The following CPQ variants were observed in gnomAD, a reference collection of about 807,000 sequenced individuals.
The protein encoded by CPQ is Ser-Met dipeptidase.
CPQ carries 37 observed loss-of-function variants against 45.7 expected under a neutral mutation model. That is an observed-to-expected ratio of 0.81 (90% confidence interval 0.62 to 1.07). CPQ has a LOEUF of 1.07. CPQ is among the 50% of genes least tolerant of loss of function. CPQ has a pLI of 0.00. For synonymous variants in CPQ, 186 were observed against 205.8 expected, an observed-to-expected ratio of 0.90 and a Z score of 0.82; for missense variants, 537 against 572.9, an observed-to-expected ratio of 0.94 and a Z score of 0.64.
intron 7 of CPQ, among the ~76,000 whole-genome samples, chr8:97,137,954 A>C (rs1404638071): frequency 2.6e-5 from 4 of 151,986 alleles, no homozygotes; most frequent in Non-Finnish European, 4.4e-5. Context: ...CTGGAGGTCA[A>C]GATGTCATCA....
rs552150228 is a variant in CPQ at position 96,971,313 on chromosome 8, T to C, written c.961+5267T>C. On this transcript the variant is annotated intron_variant, in intron 5 of 7. Transcript: ENST00000220763. The stretch of plus-strand genomic sequence containing the variant: ...TTGTTGTGTCTCTCCCTGAAGAACA[T>C]TTGTATCCACCCAAGTGCAAACTCT... Among the ~76,000 whole-genome samples the C allele has an allele frequency of 5.3e-5, 8 of 152,360 alleles. No individual in the cohort carries two copies. In the South Asian group the frequency reaches 1.2e-3, roughly 24 times the overall value.
At chr8:96,969,551 T>C (rs955587807) in intron 5 of CPQ, among the ~76,000 whole-genome samples, 2 of 151,610 alleles carry the variant, frequency 1.3e-5, no homozygotes, top group Non-Finnish European at 3.0e-5. Flanking sequence ...TTATTTGAAC[T>C]TTCTTTCATA....
At chr8:96,961,321 A>G (rs748316144) in intron 4 of CPQ, among the ~76,000 whole-genome samples, 12 of 152,154 alleles carry the variant, frequency 7.9e-5, no homozygotes, top group Non-Finnish European at 1.8e-4. Context: ...ACCTTTTCAA[A>G]TGCTTGCTGT....
chr8:97,096,054 G>A (rs1811205871), intron 7 of CPQ, among the ~76,000 whole-genome samples: 1 of 151,398 alleles, frequency 6.6e-6, no homozygotes, highest in South Asian at 2.1e-4. Context: ...GTTGTGGTGG[G>A]GATGATGATG....
At chr8:96,846,381 C>T (rs761092212) in intron 3 of CPQ, among the ~76,000 whole-genome samples, 13 of 151,964 alleles carry the variant, frequency 8.6e-5, no homozygotes, top group Non-Finnish European at 1.3e-4. Context: ...GATACAGATC[C>T]GTAGTCAGAT....
chr8:96,721,643 A>G (rs939219984), intron 1 of CPQ, among the ~76,000 whole-genome samples: 3 of 152,036 alleles, frequency 2.0e-5, no homozygotes, highest in Non-Finnish European at 4.4e-5. Flanking sequence ...TTGAAACACA[A>G]AAACACAAAT....
chr8:96,945,931 C>T (rs1448263590), intron 4 of CPQ, among the ~76,000 whole-genome samples: 2 of 152,184 alleles, frequency 1.3e-5, no homozygotes, highest in Non-Finnish European at 2.9e-5. Context: ...GTAGTCAGCT[C>T]AAGTGACTTC....
chr8:96,715,173 G>A (rs1051496255), intron 1 of CPQ, among the ~76,000 whole-genome samples: 2 of 152,174 alleles, frequency 1.3e-5, no homozygotes, highest in African/African-American at 4.8e-5. Flanking sequence ...CAAAGCAGGT[G>A]GGTAAATGCA....
intron 4 of CPQ, among the ~76,000 whole-genome samples, chr8:96,881,506 C>T (rs545279513): frequency 5.9e-5 from 9 of 152,250 alleles, no homozygotes; most frequent in Non-Finnish European, 1.0e-4. Context: ...GCCTCACCTC[C>T]GACATTCGAA....
Position 96,694,969 on chromosome 8 carries a change from C to A in CPQ, c.-35+49567C>A, listed in dbSNP as rs915325652. Reference sequence around the variant, plus strand: ...CAGTGCATATGGAACCAAAAAAGAGCCCGCATTGCCAAGTCAATCCTGAGC... The same window carrying A: ...CAGTGCATATGGAACCAAAAAAGAGACCGCATTGCCAAGTCAATCCTGAGC... On this transcript the variant is annotated intron_variant, in intron 1 of 7. Coordinates refer to ENST00000220763, the MANE Select transcript of CPQ (RefSeq NM_016134.4). Among the ~76,000 whole-genome samples the A allele has an allele frequency of 2.0e-5, 3 of 152,066 alleles. No homozygotes were observed. In the East Asian group the frequency reaches 5.8e-4, roughly 29 times the overall value.
At chr8:96,807,920 T>C (rs1436228509) in intron 2 of CPQ, among the ~76,000 whole-genome samples, 1 of 152,178 alleles carries the variant, frequency 6.6e-6, no homozygotes, top group Non-Finnish European at 1.5e-5. Context: ...CAGTTGAATA[T>C]GTTAAGCTTG....
At chr8:96,823,313 T>G (rs1811334846) in intron 2 of CPQ, among the ~76,000 whole-genome samples, 1 of 152,088 alleles carries the variant, frequency 6.6e-6, no homozygotes, top group Non-Finnish European at 1.5e-5. Flanking sequence ...TTGTACATTA[T>G]TGTATCACAT....
At chr8:96,748,593 GCTCT>G (rs1810220061) in intron 1 of CPQ, among the ~76,000 whole-genome samples, 1 of 151,790 alleles carries the variant, frequency 6.6e-6, no homozygotes, top group Admixed American at 6.6e-5. Context: ...ATTTAGTTTG[GCTCT>G]CTCTGAGTTT....
intron 4 of CPQ, among the ~76,000 whole-genome samples, chr8:96,899,271 C>T (rs1812484042): frequency 1.3e-5 from 2 of 152,130 alleles, no homozygotes; most frequent in Non-Finnish European, 2.9e-5. Context: ...GGTACAGCCA[C>T]ATACATTGTT....
chr8:97,045,196 C>T (rs1178399394), intron 6 of CPQ, among the ~76,000 whole-genome samples: 2 of 152,174 alleles, frequency 1.3e-5, no homozygotes, highest in Non-Finnish European at 2.9e-5. Context: ...CAATGGTGGG[C>T]GCCCCTCCCC....
intron 5 of CPQ, among the ~76,000 whole-genome samples, chr8:96,979,823 A>G (rs1339526657): frequency 1.3e-5 from 2 of 152,202 alleles, no homozygotes; most frequent in Admixed American, 6.5e-5. Context: ...GTTGATTATT[A>G]TAAGAGTACT....
Position 96,722,197 on chromosome 8 carries a change from TAGAG to T in CPQ, c.-34-62665_-34-62662del, listed in dbSNP as rs1230799043. 5.9e-5 allele frequency among the ~76,000 whole-genome samples: 9 copies of T among 152,344 alleles called. No individual in the cohort carries two copies. In the East Asian group the frequency reaches 1.5e-3, roughly 26 times the overall value. Reference sequence around the variant, plus strand: ...AATATTTATTTATTGAATGAATAAATAGAGATAGTGTTTATTCCCTTTTTCATAT... The same window carrying T: ...AATATTTATTTATTGAATGAATAAATATAGTGTTTATTCCCTTTTTCATAT... On this transcript the variant is annotated intron_variant, in intron 1 of 7. Transcript: ENST00000220763.
At chr8:97,072,069 T>C (rs1410627658) in intron 7 of CPQ, among the ~76,000 whole-genome samples, 1 of 152,152 alleles carries the variant, frequency 6.6e-6, no homozygotes, top group African/African-American at 2.4e-5. Flanking sequence ...TTAAACTCCA[T>C]ATTATTGGCC....
At chr8:97,003,480 T>C (rs1234743583) in intron 5 of CPQ, among the ~76,000 whole-genome samples, 1 of 152,166 alleles carries the variant, frequency 6.6e-6, no homozygotes, top group Non-Finnish European at 1.5e-5. Flanking sequence ...CCCTATATAT[T>C]TCTCTTGAAG....
Sources: gnomAD v4.1 joint callset for allele counts (sites outside exome capture counted in the v4.1 genomes callset) on GRCh38, gnomAD v4.1.1 for gene constraint, MANE v1.5 for transcripts, NCBI Gene and HGNC (gene_info 2026-07-23, HGNC 2026-07-21) for gene names.